SMCO4: variants seen among roughly 807,000 people sequenced by gnomAD.
SMCO4 encodes single-pass membrane and coiled-coil domain-containing protein 4.
SMCO4 carries 4 observed loss-of-function variants against 3.6 expected under a neutral mutation model. The ratio of observed to expected loss-of-function variants is 1.11; its 90% confidence interval spans 0.54 to 2.53. The LOEUF is 2.53. Among genes scored for constraint, SMCO4 ranks in the 30% most tolerant of loss-of-function variants. The pLI is 0.02. For synonymous variants in SMCO4, 36 were observed against 35.3 expected (o/e 1.02, Z -0.07); for missense variants, 70 against 80.8 (o/e 0.87, Z 0.51).
At chr11:93,518,586 A>G (rs1384608030) in intron 1 of SMCO4, among the ~76,000 whole-genome samples, 1 of 152,246 alleles carries the variant, frequency 6.6e-6, no homozygotes, top group African/African-American at 2.4e-5. Flanking sequence ...AGGAAACTGA[A>G]AACAAAATGC....
intron 1 of SMCO4, among the ~76,000 whole-genome samples, chr11:93,502,813 C>T (rs1474213914): frequency 6.6e-6 from 1 of 152,160 alleles, no homozygotes; most frequent in East Asian, 1.9e-4. Flanking sequence ...TTTAAAAACT[C>T]TTATGCAGCC....
At chr11:93,525,267 G>A (rs549139440) in intron 1 of SMCO4, among the ~76,000 whole-genome samples, 1 of 152,288 alleles carries the variant, frequency 6.6e-6, no homozygotes, top group African/African-American at 2.4e-5. Context: ...GCAAATTACT[G>A]CCCCACTGAT....
At chr11:93,533,683 G>A (rs1436990827) in intron 1 of SMCO4, among the ~76,000 whole-genome samples, 1 of 152,142 alleles carries the variant, frequency 6.6e-6, no homozygotes, top group Non-Finnish European at 1.5e-5. Context: ...TTCTGCAGGA[G>A]CAATGGTATT....
chr11:93,512,836 G>A (rs1281456690), intron 1 of SMCO4, among the ~76,000 whole-genome samples: 2 of 152,150 alleles, frequency 1.3e-5, no homozygotes, highest in African/African-American at 4.8e-5. Flanking sequence ...CTGTGAAAGG[G>A]TACTACAATA....
intron 1 of SMCO4, among the ~76,000 whole-genome samples, chr11:93,526,199 AG>A (rs1214133321): frequency 1.3e-5 from 2 of 152,058 alleles, no homozygotes; most frequent in Non-Finnish European, 2.9e-5. Flanking sequence ...GCACCACCCA[AG>A]GGGGACCCCC....
At chr11:93,539,778 T>C (rs902189147) in intron 1 of SMCO4, among the ~76,000 whole-genome samples, 3 of 152,070 alleles carry the variant, frequency 2.0e-5, no homozygotes, top group Non-Finnish European at 2.9e-5. Context: ...AGATGGAAAT[T>C]GGTCCCATAT....
intron 2 of SMCO4, among the ~76,000 whole-genome samples, chr11:93,485,803 A>G (rs1948641829): frequency 6.6e-6 from 1 of 152,264 alleles, no homozygotes; most frequent in South Asian, 2.1e-4. Flanking sequence ...TAAAGCAGCT[A>G]GCTGCCATTT....
At position 93,478,831 on chromosome 11, in the gene SMCO4, C is replaced by A. The variant is rs941377761; in HGVS notation, c.*179G>T. On this transcript the variant is annotated 3_prime_UTR_variant, in exon 3 of 3. Coordinates refer to ENST00000298966, the MANE Select transcript of SMCO4 (RefSeq NM_020179.3). Reference sequence around the variant, plus strand: ...TGGCACATTCACTGATAAAACATCCCCTATTCCCTCCCAAGAAAGCGGAGA... The same window carrying A: ...TGGCACATTCACTGATAAAACATCCACTATTCCCTCCCAAGAAAGCGGAGA... 16 of 1,418,454 alleles carry A rather than the reference C, an allele frequency of 1.1e-5. No individual in the cohort carries two copies. The highest frequency in any genetic ancestry group is 3.7e-6 in the Non-Finnish European group (4 of 1,089,090). 87.9% of individuals were successfully genotyped at this position (1,418,454 alleles called of 1,614,324 possible).
chr11:93,547,378 CA>C (rs1327823580), upstream of SMCO4, among the ~76,000 whole-genome samples: 38 of 152,204 alleles, frequency 2.5e-4, no homozygotes, highest in African/African-American at 8.2e-4. Context: ...TCAAGGATAA[CA>C]AAACCAGTGA....
chr11:93,485,471 T>A (rs1047648526), intron 2 of SMCO4, among the ~76,000 whole-genome samples: 1 of 152,242 alleles, frequency 6.6e-6, no homozygotes, highest in Non-Finnish European at 1.5e-5. Flanking sequence ...TGGACAACCA[T>A]CACATGTGGC....
chr11:93,518,651 A>C (rs192943835), intron 1 of SMCO4, among the ~76,000 whole-genome samples: 61 of 152,384 alleles, frequency 4.0e-4, no homozygotes, highest in African/African-American at 1.3e-3. Context: ...GAATAAGTTC[A>C]AATCTGGGCA....
At chr11:93,546,730 T>C (rs139362961), upstream of SMCO4, among the ~76,000 whole-genome samples, 1,116 of 152,344 alleles carry the variant, frequency 7.3e-3, 12 homozygotes, top group Non-Finnish European at 0.012. Context: ...AAAATATTCT[T>C]CCCATGCTCA....
chr11:93,481,356 C>T lies in SMCO4; in HGVS notation c.-80-2087G>A. 4 of 876,288 alleles carry T rather than the reference C, an allele frequency of 4.6e-6. No homozygotes were observed. The South Asian group carries it at 2.1e-4, about 45-fold the overall frequency. The allele number at this position is 876,288 out of a possible 1,614,324, so 54.3% of individuals were successfully genotyped here. ...TACAGGTGGGCTGAGACATCTCCAC[C>T]CATACCCGTGGGCGGCCCAGGGACG... is the stretch of plus-strand genomic sequence containing the variant. On this transcript the variant is annotated intron_variant, in intron 2 of 2. Coordinates refer to ENST00000298966, the MANE Select transcript of SMCO4 (RefSeq NM_020179.3).
chr11:93,553,784 T>A, the SMCO4 span, among the ~76,000 whole-genome samples: 2 of 152,352 alleles, frequency 1.3e-5, no homozygotes, highest in Non-Finnish European at 2.9e-5. Context: ...AAGGGCTTCA[T>A]CAGACTGCCA....
At chr11:93,504,842 T>G (rs1948883808) in intron 1 of SMCO4, among the ~76,000 whole-genome samples, 1 of 152,150 alleles carries the variant, frequency 6.6e-6, no homozygotes, top group Non-Finnish European at 1.5e-5. Context: ...CCATCCAAAA[T>G]GGGGCCAGGT....
At chr11:93,535,112 T>C (rs1233432783) in intron 1 of SMCO4, among the ~76,000 whole-genome samples, 6 of 152,210 alleles carry the variant, frequency 3.9e-5, no homozygotes, top group Non-Finnish European at 7.3e-5. Context: ...CAGGACAGAC[T>C]GATCTTAATA....
At position 93,501,451 on chromosome 11, in the gene SMCO4, C is replaced by T. The variant is rs367958840; in HGVS notation, c.-153-2103G>A. Among the ~76,000 whole-genome samples, 14 of 152,302 alleles carry T rather than the reference C, an allele frequency of 9.2e-5. No individual in the cohort carries two copies. The South Asian group carries it at 1.7e-3, about 18-fold the overall frequency. On this transcript the variant is annotated intron_variant, in intron 1 of 2. Transcript: ENST00000298966. ...AAGCCGTAGGGGAGAACTCGTTTGTCGCCGCTTCCAGCTTCTGGTGGCTTG... is the reference window on the plus strand; with the variant it reads ...AAGCCGTAGGGGAGAACTCGTTTGTTGCCGCTTCCAGCTTCTGGTGGCTTG...
intron 2 of SMCO4, among the ~76,000 whole-genome samples, chr11:93,489,504 G>A (rs1178722996): frequency 1.3e-5 from 2 of 152,204 alleles, no homozygotes; most frequent in African/African-American, 4.8e-5. Context: ...CCAGCTTGGG[G>A]CCCACTGCAG....
At chr11:93,485,838 A>G (rs1948642117) in intron 2 of SMCO4, among the ~76,000 whole-genome samples, 1 of 152,228 alleles carries the variant, frequency 6.6e-6, no homozygotes, top group African/African-American at 2.4e-5. Flanking sequence ...CATTCCCACC[A>G]CAATCATACA....
Sources: allele counts gnomAD v4.1 joint callset (sites outside exome capture counted in the v4.1 genomes callset), GRCh38; gene constraint gnomAD v4.1.1; transcripts MANE v1.5; gene names NCBI Gene and HGNC (gene_info 2026-07-23, HGNC 2026-07-21).